The following DIP2B variants were observed in gnomAD, a reference collection of about 807,000 sequenced individuals.
The protein encoded by DIP2B is DIP2 acetate--CoA ligase B (putative), also known as disco-interacting protein 2 homolog B.
A neutral mutation model predicts 198.0 loss-of-function variants in DIP2B; 76 were observed. That is an observed-to-expected ratio of 0.38 (90% CI 0.32 to 0.46). DIP2B has a LOEUF of 0.46. Ranked by LOEUF, DIP2B falls within the 20% of genes least tolerant of loss-of-function variation. The pLI is 0.99. For synonymous variants in DIP2B, 701 were observed against 739.1 expected, an observed-to-expected ratio of 0.95 and a Z score of 0.84; for missense variants, 1,559 against 1,978.4, an observed-to-expected ratio of 0.79 and a Z score of 4.02.
chr12:50,591,610 T>C (rs1958819306), intron 1 of DIP2B, among the ~76,000 whole-genome samples: 1 of 151,130 alleles, frequency 6.6e-6, no homozygotes, highest in Non-Finnish European at 1.5e-5. Context: ...ATTTTTCTTT[T>C]TCTTTCTTTC....
intron 1 of DIP2B, among the ~76,000 whole-genome samples, chr12:50,588,300 T>C (rs1958788133): frequency 6.6e-6 from 1 of 152,012 alleles, no homozygotes; most frequent in Non-Finnish European, 1.5e-5. Context: ...TACAGGCATG[T>C]GCTACCAGGC....
chr12:50,577,343 AAC>A (rs1958671641), intron 1 of DIP2B, among the ~76,000 whole-genome samples: 1 of 151,950 alleles, frequency 6.6e-6, no homozygotes, highest in South Asian at 2.1e-4. Context: ...CATCCGGGCT[AAC>A]ACAGTGAAAC....
intron 26 of DIP2B, among the ~76,000 whole-genome samples, chr12:50,722,748 C>A (rs922953961): frequency 6.6e-6 from 1 of 152,192 alleles, no homozygotes; most frequent in Non-Finnish European, 1.5e-5. Flanking sequence ...GACTGAGTCA[C>A]ACTTTGCTCC....
chr12:50,694,654 C>CTT (rs371524388), intron 14 of DIP2B, among the ~76,000 whole-genome samples: 33,856 of 131,170 alleles, frequency 0.26, 6,429 homozygotes, highest in Non-Finnish European at 0.32. Flanking sequence ...ACCCCTGTCT[C>CTT]TTTTTTTTTT....
rs1254446523 is a variant in DIP2B at position 50,598,549 on chromosome 12, C to T, written c.101-27427C>T. Among the ~76,000 whole-genome samples, 7 of 151,950 alleles carry T rather than the reference C, an allele frequency of 4.6e-5. No individual in the cohort carries two copies. In the East Asian group the frequency reaches 1.4e-3, roughly 29 times the overall value. The stretch of plus-strand genomic sequence containing the variant: ...TTTTGCAACACCAAATTCCTCGTGA[C>T]TGCCACTGCGTCATCTCTCTGGTCA... On this transcript the variant is annotated intron_variant, in intron 1 of 37. Coordinates refer to ENST00000301180, the MANE Select transcript of DIP2B (RefSeq NM_173602.3).
intron 1 of DIP2B, among the ~76,000 whole-genome samples, chr12:50,590,228 G>C (rs1483815485): frequency 1.3e-5 from 2 of 151,800 alleles, no homozygotes; most frequent in African/African-American, 4.8e-5. Flanking sequence ...CGAACTCCTG[G>C]GCTCAGGCGA....
chr12:50,520,851 T>G (rs1267112409), intron 1 of DIP2B, among the ~76,000 whole-genome samples: 1 of 152,146 alleles, frequency 6.6e-6, no homozygotes, highest in Non-Finnish European at 1.5e-5. Flanking sequence ...CTACCTTTTT[T>G]CTTACTAGTA....
intron 1 of DIP2B, among the ~76,000 whole-genome samples, chr12:50,518,618 C>T (rs1237209344): frequency 6.6e-6 from 1 of 152,224 alleles, no homozygotes; most frequent in Non-Finnish European, 1.5e-5. Flanking sequence ...TGGTTCTAAG[C>T]CCTGTGGTGT....
rs1236701862 is a variant in DIP2B, at chr12:50,706,673, G to C, written c.2534+8G>C. On this transcript the variant is annotated splice_region_variant and intron_variant, in intron 21 of 37. Coordinates refer to ENST00000301180, the MANE Select transcript of DIP2B (RefSeq NM_173602.3). ...GACTGTTTATAGAGGAAGGTGAGTA[G>C]TACAAAATTCAAATGTTAGCACCTT... 1 of 1,613,376 alleles carries C rather than the reference G, an allele frequency of 6.2e-7. No individual in the cohort carries two copies. Among genetic ancestry groups the C allele is most frequent in the Non-Finnish European group, 8.5e-7 (1 of 1,179,642 alleles).
intron 1 of DIP2B, 73 bp downstream of exon 1, chr12:50,505,313 G>A: frequency 8.0e-7 from 1 of 1,248,750 alleles, no homozygotes; most frequent in Non-Finnish European, 1.1e-6. Context: ...GGTCCCCGCC[G>A]CGCGCTCTGG....
chr12:50,507,843 CTG>C (rs912874037), intron 1 of DIP2B, among the ~76,000 whole-genome samples: 2 of 152,198 alleles, frequency 1.3e-5, no homozygotes, highest in African/African-American at 4.8e-5. Context: ...ATGCTTTTAA[CTG>C]TGTGTTTATC....
intron 1 of DIP2B, among the ~76,000 whole-genome samples, chr12:50,526,887 C>T (rs562157016): frequency 2.6e-5 from 4 of 152,160 alleles, no homozygotes; most frequent in South Asian, 4.2e-4. Flanking sequence ...ACGACTACCC[C>T]GGTCCCCCAA....
In DIP2B at chr12:50,507,916, T is replaced by C. The variant is rs148169796; in HGVS notation, c.100+2676T>C. ...TTTCATTTTTTCTTTCTTTCTCTCT[T>C]TTTTTTTTTAAGGTTCAGCCTGTCA... On this transcript the variant is annotated intron_variant, in intron 1 of 37. Coordinates refer to ENST00000301180, the MANE Select transcript of DIP2B (RefSeq NM_173602.3). Among the ~76,000 whole-genome samples the C allele has an allele frequency of 8.5e-3, 726 of 85,566 alleles. 8 individuals carry two copies. The highest frequency in any genetic ancestry group is 0.021 in the African/African-American group (682 of 32,350). 56.1% of individuals were successfully genotyped at this position (85,566 alleles called of 152,430 possible). A position where few individuals can be genotyped will look rare whatever the true frequency, so the allele number is the denominator to read the frequency against.
Position 50,697,106 on chromosome 12 carries a change from A to G in DIP2B, c.1979A>G (p.His660Arg). 1 of 1,614,080 alleles carries G rather than the reference A, an allele frequency of 6.2e-7. No individual in the cohort carries two copies. The highest frequency in any genetic ancestry group is 8.5e-7 in the Non-Finnish European group (1 of 1,179,986). ...CDAFLSLFQS[H>R]GLKPEAICPC... ...GCCTTCCTGAGTCTGTTCCAAAGTC[A>G]TGGACTGAAGCCTGAGGCCATCTGT... Residue 660 changes from histidine (H) to arginine (R), a missense_variant, in exon 17 of 38, where the codon CAT becomes CGT. Transcript: ENST00000301180.
intron 1 of DIP2B, among the ~76,000 whole-genome samples, chr12:50,611,171 A>G (rs1959028991): frequency 6.6e-6 from 1 of 152,200 alleles, no homozygotes; most frequent in Non-Finnish European, 1.5e-5. Context: ...AGCCAAGTCA[A>G]AAGTTTTATC....
chr12:50,547,326 A>C (rs1958386611), intron 1 of DIP2B, among the ~76,000 whole-genome samples: 1 of 152,234 alleles, frequency 6.6e-6, no homozygotes. Flanking sequence ...ATATTCATTG[A>C]TACCATCTTT....
intron 34 of DIP2B, among the ~76,000 whole-genome samples, chr12:50,736,380 AC>A (rs1382433505): frequency 6.6e-6 from 1 of 152,164 alleles, no homozygotes; most frequent in Non-Finnish European, 1.5e-5. Flanking sequence ...TTCTCAAGTA[AC>A]CTCATACTTT....
chr12:50,512,465 C>A (rs1287683955), intron 1 of DIP2B, among the ~76,000 whole-genome samples: 1 of 151,854 alleles, frequency 6.6e-6, no homozygotes, highest in Non-Finnish European at 1.5e-5. Context: ...AAATAACTCA[C>A]AACTATTTAT....
chr12:50,512,167 C>T (rs1393057641), intron 1 of DIP2B, among the ~76,000 whole-genome samples: 2 of 140,256 alleles, frequency 1.4e-5, no homozygotes, highest in African/African-American at 5.3e-5. Context: ...AGTACAGTGG[C>T]GTGATCTCTG....
Sources: gnomAD v4.1 joint callset for allele counts (sites outside exome capture counted in the v4.1 genomes callset) on GRCh38, gnomAD v4.1.1 for gene constraint, MANE v1.5 for transcripts, NCBI Gene and HGNC (gene_info 2026-07-23, HGNC 2026-07-21) for gene names.